Variants in SBF2 observed in about 807,000 individuals in gnomAD.
SBF2 encodes myotubularin-related protein 13.
Under a neutral mutation model 225.2 loss-of-function variants are expected in SBF2, and 112 were observed. The ratio of observed to expected loss-of-function variants is 0.50; its 90% CI spans 0.43 to 0.58. The LOEUF (loss-of-function observed/expected upper bound fraction) is 0.58. Among genes scored for constraint, SBF2 ranks in the 20% least tolerant of loss-of-function variants. The pLI, the probability that SBF2 is intolerant of heterozygous loss-of-function variation, is 0.00. For missense variants in SBF2, 1,996 were observed against 2,206.2 expected, an observed-to-expected ratio of 0.90 and a Z score of 1.91; for synonymous variants, 763 against 773.3, an observed-to-expected ratio of 0.99 and a Z score of 0.22.
chr11:9,855,544 T>C (rs1485008570), intron 19 of SBF2, among the ~76,000 whole-genome samples: 1 of 152,216 alleles, frequency 6.6e-6, no homozygotes, highest in African/African-American at 2.4e-5. Context: ...TCACTACTGT[T>C]GGGTTGATAA....
At chr11:10,206,318 A>G (rs1405352101) in intron 1 of SBF2, among the ~76,000 whole-genome samples, 1 of 150,934 alleles carries the variant, frequency 6.6e-6, no homozygotes, top group Non-Finnish European at 1.5e-5. Context: ...TAACCAAGAA[A>G]ATCAAAATAA....
chr11:10,030,042 TA>T, intron 4 of SBF2, among the ~76,000 whole-genome samples, 167 bp from the exon 5 acceptor site: 1 of 152,348 alleles, frequency 6.6e-6, no homozygotes, highest in East Asian at 1.9e-4. Context: ...AAATTTTCCT[TA>T]GAACCAGAAC....
At chr11:9,994,328 A>G (rs1417073332) in intron 9 of SBF2, among the ~76,000 whole-genome samples, 1 of 151,380 alleles carries the variant, frequency 6.6e-6, no homozygotes, top group Non-Finnish European at 1.5e-5. Context: ...CAAAAAAATT[A>G]GCCGGGCGTG....
chr11:10,188,056 G>T (rs182043318), intron 2 of SBF2, among the ~76,000 whole-genome samples: 21 of 152,252 alleles, frequency 1.4e-4, no homozygotes, highest in Non-Finnish European at 2.6e-4. Flanking sequence ...CTTCGCTCAA[G>T]GCTTTTAAAT....
At chr11:10,190,654 C>T (rs1957129646) in intron 2 of SBF2, among the ~76,000 whole-genome samples, 1 of 152,152 alleles carries the variant, frequency 6.6e-6, no homozygotes, top group African/African-American at 2.4e-5. Flanking sequence ...TTAGAACTTA[C>T]ATACATCAAT....
At chr11:10,257,874 T>C (rs1273206410) in intron 1 of SBF2, among the ~76,000 whole-genome samples, 11 of 147,986 alleles carry the variant, frequency 7.4e-5, no homozygotes, top group Non-Finnish European at 3.0e-5. Context: ...GGAGGACTGC[T>C]TGAGCCCAGG....
At chr11:10,232,120 T>C (rs942113752) in intron 1 of SBF2, among the ~76,000 whole-genome samples, 5 of 152,206 alleles carry the variant, frequency 3.3e-5, no homozygotes, top group African/African-American at 4.8e-5. Flanking sequence ...GTGCGGGATA[T>C]AATCTCCTGG....
chr11:9,918,188 T>C (rs1863271201), intron 16 of SBF2, among the ~76,000 whole-genome samples: 1 of 111,286 alleles, frequency 9.0e-6, no homozygotes, highest in Non-Finnish European at 1.9e-5. Context: ...TCCCTCTTAC[T>C]AACTTACTAC....
chr11:10,081,904 A>C (rs1440143844), intron 2 of SBF2, among the ~76,000 whole-genome samples: 1 of 152,086 alleles, frequency 6.6e-6, no homozygotes, highest in African/African-American at 2.4e-5. Flanking sequence ...AAAGAAATTG[A>C]GACCAAAAAA....
At chr11:10,222,548 G>GA (rs1958376989) in intron 1 of SBF2, among the ~76,000 whole-genome samples, 1 of 152,162 alleles carries the variant, frequency 6.6e-6, no homozygotes, top group Non-Finnish European at 1.5e-5. Context: ...AGGTACACTT[G>GA]AAAACAGATC....
rs890667586 is a variant in SBF2 at position 10,042,894 on chromosome 11, G to A, written c.229C>T (p.Arg77Ter). The A allele has an allele frequency of 5.0e-6, 8 of 1,613,962 alleles. No homozygotes were observed. Among genetic ancestry groups the A allele is most frequent in the South Asian group, 1.1e-5 (1 of 91,082 alleles). ...VVVLTDIDSD[R>*]HYCSCLTFYE... ...AAGGTTAGGCATGAGCAGTAATGTC[G>A]ATCTGAGTCAATGTCTGTCAGGACA... The change falls in exon 3 of 40, where the codon CGA (arginine) becomes TGA (stop). Residue 77 changes from arginine (R) to a stop codon, truncating the protein, a stop_gained. Transcript: ENST00000256190. LOFTEE classifies it high-confidence loss of function.
intron 1 of SBF2, among the ~76,000 whole-genome samples, chr11:10,223,559 G>A (rs1050060783): frequency 6.6e-6 from 1 of 151,340 alleles, no homozygotes; most frequent in Non-Finnish European, 1.5e-5. Context: ...TATGTCATCT[G>A]TTTATAAATG....
At chr11:10,028,890 A>C (rs1949147753) in intron 5 of SBF2, among the ~76,000 whole-genome samples, 1 of 152,224 alleles carries the variant, frequency 6.6e-6, no homozygotes, top group African/African-American at 2.4e-5. Context: ...ATCTGTGACC[A>C]AACTCACATT....
intron 2 of SBF2, among the ~76,000 whole-genome samples, chr11:10,062,722 C>G (rs1405134304): frequency 1.3e-5 from 2 of 152,030 alleles, no homozygotes; most frequent in African/African-American, 4.8e-5. Flanking sequence ...AAAAGAGAAC[C>G]CTTATACACT....
intron 2 of SBF2, among the ~76,000 whole-genome samples, chr11:10,107,467 T>C (rs1189540880): frequency 1.3e-5 from 2 of 152,194 alleles, no homozygotes; most frequent in Non-Finnish European, 2.9e-5. Context: ...TGATCTTGTA[T>C]TAGTTTCACA....
intron 2 of SBF2, among the ~76,000 whole-genome samples, chr11:10,070,572 T>A (rs1416917309): frequency 1.3e-5 from 2 of 152,252 alleles, no homozygotes; most frequent in Non-Finnish European, 2.9e-5. Context: ...CCTTGTAGTA[T>A]AGTTTGAAGT....
intron 1 of SBF2, chr11:10,272,379 T>C: frequency 1.9e-6 from 1 of 517,032 alleles, no homozygotes; most frequent in East Asian, 3.1e-5. Context: ...CACAATTTCC[T>C]TAAGTCTTGC....
intron 1 of SBF2, among the ~76,000 whole-genome samples, chr11:10,231,277 C>A (rs4553358): frequency 2.0e-5 from 3 of 151,868 alleles, no homozygotes; most frequent in Non-Finnish European, 4.4e-5. Context: ...TACCTCGGAG[C>A]AGTTTGATCT....
At chr11:9,960,924 A>T (rs1202614301) in intron 16 of SBF2, 1 of 152,280 alleles carries the variant, frequency 6.6e-6, no homozygotes, top group South Asian at 2.1e-4. Flanking sequence ...CGGCCTCCCA[A>T]AGTGCTGGGA....
Sources: gnomAD v4.1 joint callset for allele counts (sites outside exome capture counted in the v4.1 genomes callset) on GRCh38, gnomAD v4.1.1 for gene constraint, MANE v1.5 for transcripts, NCBI Gene and HGNC (gene_info 2026-07-23, HGNC 2026-07-21) for gene names.